COL19A1: variants seen among roughly 807,000 people sequenced by gnomAD.
The protein encoded by COL19A1 is collagen type XIX alpha 1 chain.
In COL19A1, 159 loss-of-function variants were observed where a neutral mutation model predicts 190.2. That is an observed-to-expected ratio of 0.84 (90% CI 0.73 to 0.95). The LOEUF (loss-of-function observed/expected upper bound fraction) is 0.95, where lower values mean the gene tolerates loss of function less well. Among genes scored for constraint, COL19A1 ranks in the 40% least tolerant of loss-of-function variants. The pLI, the probability that COL19A1 is intolerant of heterozygous loss-of-function variation, is 0.00. For synonymous variants in COL19A1, 509 were observed against 458.9 expected (o/e 1.11, Z -1.39); for missense variants, 1,418 against 1,431.9 (o/e 0.99, Z 0.16).
intron 15 of COL19A1, among the ~76,000 whole-genome samples, chr6:70,097,517 C>CAA (rs200659215): frequency 1.5e-3 from 210 of 139,690 alleles, no homozygotes; most frequent in Admixed American, 3.3e-3. Context: ...GATCCTGTCT[C>CAA]AAAAAAAAAA....
chr6:69,899,631 A>G (rs1227422294), intron 3 of COL19A1, among the ~76,000 whole-genome samples: 1 of 152,182 alleles, frequency 6.6e-6, no homozygotes, highest in African/African-American at 2.4e-5. Flanking sequence ...GGAAGATGTC[A>G]CCACCCAGAT....
chr6:69,912,562 A>G (rs1771014225), intron 4 of COL19A1, among the ~76,000 whole-genome samples: 2 of 152,010 alleles, frequency 1.3e-5, no homozygotes, highest in African/African-American at 2.4e-5. Flanking sequence ...GACCCAACCA[A>G]CCTCTGCTCA....
intron 4 of COL19A1, among the ~76,000 whole-genome samples, chr6:69,910,361 A>G (rs1204932777): frequency 1.3e-5 from 2 of 152,174 alleles, no homozygotes; most frequent in African/African-American, 4.8e-5. Context: ...TTATAGATGA[A>G]AAATGAGGTT....
chr6:69,936,675 C>A lies in COL19A1; in HGVS notation c.748-110C>A, dbSNP rs1773132114. The A allele has an allele frequency of 2.2e-6, 3 of 1,377,888 alleles. No homozygotes were observed. In the African/African-American group the frequency reaches 4.3e-5, roughly 20 times the overall value. The allele number at this position is 1,377,888 out of a possible 1,614,324, so 85.4% of individuals were successfully genotyped here. ...GTGTTAACTTTTGGTTAGTAAGAAGCAGTTCTTGCAGGCAACCTCAGCAAT... is the reference window on the plus strand; with the variant it reads ...GTGTTAACTTTTGGTTAGTAAGAAGAAGTTCTTGCAGGCAACCTCAGCAAT... On this transcript the variant is annotated intron_variant, in intron 7 of 50. Coordinates refer to ENST00000620364, the MANE Select transcript of COL19A1 (RefSeq NM_001858.6).
chr6:69,901,521 C>A (rs1047922498), intron 4 of COL19A1, among the ~76,000 whole-genome samples: 9 of 152,232 alleles, frequency 5.9e-5, no homozygotes, highest in African/African-American at 2.2e-4. Context: ...AGGTGGGACA[C>A]TTCAGCAGAT....
intron 24 of COL19A1, 106 bp downstream of exon 24, chr6:70,144,369 G>C: frequency 1.1e-6 from 1 of 948,186 alleles, no homozygotes; most frequent in Non-Finnish European, 1.6e-6. Context: ...GGATTGTACA[G>C]ATTGTGCACA....
chr6:70,086,377 A>G (rs1338372806), intron 15 of COL19A1, among the ~76,000 whole-genome samples: 1 of 152,188 alleles, frequency 6.6e-6, no homozygotes, highest in African/African-American at 2.4e-5. Flanking sequence ...AGTACATGAA[A>G]CAGAAAGATA....
chr6:70,111,749 A>G lies in COL19A1; in HGVS notation c.1278+9527A>G, dbSNP rs566364116. ...CACACTGTCTATAACCATGGTGTTC[A>G]GCTGAGCCAAGAATTGTCATTTGTA... On this transcript the variant is annotated intron_variant, in intron 16 of 50. Coordinates refer to ENST00000620364, the MANE Select transcript of COL19A1 (RefSeq NM_001858.6). 1.1e-4 allele frequency among the ~76,000 whole-genome samples: 17 copies of G among 152,282 alleles called. No individual in the cohort carries two copies. The South Asian group carries it at 3.5e-3, about 32-fold the overall frequency.
In COL19A1 at chr6:70,206,064, A is replaced by G. The variant is rs148885896; in HGVS notation, c.3224-837A>G. On this transcript the variant is annotated intron_variant, in intron 49 of 50. Transcript: ENST00000620364. Reference sequence around the variant, plus strand: ...TGACTTTTTAGATGAGTTAACCCACATATACTCATGCTCTTGCTATCATTT... The same window carrying G: ...TGACTTTTTAGATGAGTTAACCCACGTATACTCATGCTCTTGCTATCATTT... 2.4e-3 allele frequency among the ~76,000 whole-genome samples: 362 copies of G among 152,334 alleles called. 2 individuals are homozygous for G. Among genetic ancestry groups the G allele is most frequent in the African/African-American group, 8.0e-3 (333 of 41,572 alleles).
chr6:69,989,124 T>C (rs1776464651), intron 11 of COL19A1, among the ~76,000 whole-genome samples: 1 of 152,174 alleles, frequency 6.6e-6, no homozygotes, highest in Non-Finnish European at 1.5e-5. Context: ...ATTGTTGGAA[T>C]AGGTTTCTAA....
intron 16 of COL19A1, among the ~76,000 whole-genome samples, chr6:70,110,605 G>T (rs554750112): frequency 6.6e-6 from 1 of 152,268 alleles, no homozygotes; most frequent in East Asian, 1.9e-4. Flanking sequence ...GTCACCTTGT[G>T]TGACCACAGA....
intron 30 of COL19A1, among the ~76,000 whole-genome samples, chr6:70,151,178 A>C (rs947292893): frequency 1.2e-4 from 19 of 152,196 alleles, no homozygotes; most frequent in African/African-American, 4.6e-4. Flanking sequence ...CATTCAAGAG[A>C]GAAGAATAGT....
At chr6:70,146,724 A>T (rs1786675133) in intron 26 of COL19A1, 21 bp downstream of exon 26, 2 of 1,601,928 alleles carry the variant, frequency 1.2e-6, no homozygotes, top group Non-Finnish European at 1.7e-6. Context: ...ATTATAGTTA[A>T]TTTTTAAGGA....
chr6:69,899,386 CAA>C (rs2149971908), intron 3 of COL19A1, among the ~76,000 whole-genome samples: 1 of 152,192 alleles, frequency 6.6e-6, no homozygotes, highest in African/African-American at 2.4e-5. Flanking sequence ...CTCCTGGCCT[CAA>C]GTGATCCATC....
At chr6:70,140,324 T>C (rs973899149) in intron 19 of COL19A1, among the ~76,000 whole-genome samples, 2 of 152,138 alleles carry the variant, frequency 1.3e-5, no homozygotes, top group Admixed American at 6.6e-5. Context: ...AAATAGTTGT[T>C]ATACTGTATT....
At chr6:70,107,369 CT>C (rs1448231349) in intron 16 of COL19A1, among the ~76,000 whole-genome samples, 1 of 152,090 alleles carries the variant, frequency 6.6e-6, no homozygotes, top group Non-Finnish European at 1.5e-5. Flanking sequence ...CTAGCTTGTC[CT>C]GGAACAATTT....
intron 15 of COL19A1, chr6:70,098,532 C>T: frequency 2.2e-6 from 1 of 457,414 alleles, no homozygotes; most frequent in African/African-American, 2.0e-5. Flanking sequence ...TAAGCCTTGG[C>T]ACTTCAGTTA....
chr6:69,979,342 T>A (rs1389576081), intron 11 of COL19A1, among the ~76,000 whole-genome samples: 1 of 151,926 alleles, frequency 6.6e-6, no homozygotes, highest in Non-Finnish European at 1.5e-5. Context: ...GATAATACTA[T>A]GAAGTCAAGG....
At chr6:70,167,600 A>C (rs1439657731) in intron 37 of COL19A1, among the ~76,000 whole-genome samples, 1 of 152,216 alleles carries the variant, frequency 6.6e-6, no homozygotes, top group Non-Finnish European at 1.5e-5. Context: ...ATTACTTTTC[A>C]GTAGCCAAAT....
Sources: allele counts gnomAD v4.1 joint callset (sites outside exome capture counted in the v4.1 genomes callset), GRCh38; gene constraint gnomAD v4.1.1; transcripts MANE v1.5; gene names NCBI Gene and HGNC (gene_info 2026-07-23, HGNC 2026-07-21).